Variants in CFAP20DC observed in about 807,000 individuals in gnomAD.
CFAP20DC encodes CFAP20 domain containing, also known as protein CFAP20DC.
CFAP20DC carries 84 observed loss-of-function variants against 101.7 expected under a neutral mutation model. The ratio of observed to expected loss-of-function variants is 0.83; its 90% CI spans 0.69 to 0.99. The LOEUF is 0.99. CFAP20DC is among the 50% of genes least tolerant of loss of function. The pLI, the probability that CFAP20DC is intolerant of heterozygous loss-of-function variation, is 0.00. For missense variants in CFAP20DC, 1,007 were observed against 970.3 expected, an observed-to-expected ratio of 1.04 and a Z score of -0.50; for synonymous variants, 359 against 351.2, an observed-to-expected ratio of 1.02 and a Z score of -0.25.
intron 15 of CFAP20DC, among the ~76,000 whole-genome samples, chr3:58,775,658 T>C (rs1399827905): frequency 6.6e-6 from 1 of 152,062 alleles, no homozygotes; most frequent in African/African-American, 2.4e-5. Flanking sequence ...TAAATACTTA[T>C]GAACTGTTAA....
chr3:58,968,885 T>A (rs1418415718), intron 4 of CFAP20DC, among the ~76,000 whole-genome samples: 2 of 152,188 alleles, frequency 1.3e-5, no homozygotes, highest in African/African-American at 4.8e-5. Flanking sequence ...GGTTTCTGTA[T>A]ATGGTGTAAG....
intron 15 of CFAP20DC, among the ~76,000 whole-genome samples, chr3:58,787,320 C>A (rs1438442163): frequency 8.6e-6 from 1 of 116,518 alleles, no homozygotes; most frequent in Non-Finnish European, 1.6e-5. Context: ...AGGGGAACAT[C>A]ACACTCTGGG....
chr3:58,804,365 T>C (rs1227633615), intron 15 of CFAP20DC, among the ~76,000 whole-genome samples: 2 of 133,900 alleles, frequency 1.5e-5, no homozygotes, highest in African/African-American at 5.2e-5. Flanking sequence ...AAATTAGTTC[T>C]TTTTTTTTTT....
intron 4 of CFAP20DC, among the ~76,000 whole-genome samples, chr3:58,979,006 T>G (rs1302605599): frequency 6.6e-6 from 1 of 152,194 alleles, no homozygotes; most frequent in Non-Finnish European, 1.5e-5. Flanking sequence ...CCAGTGATAG[T>G]GGTGATGCTG....
intron 15 of CFAP20DC, among the ~76,000 whole-genome samples, chr3:58,789,531 G>A (rs1465860933): frequency 6.6e-6 from 1 of 152,146 alleles, no homozygotes; most frequent in Non-Finnish European, 1.5e-5. Context: ...GGCTCTGTGA[G>A]GTGAATGACA....
rs562993528 is a variant in CFAP20DC, at chr3:58,747,995, T to C, written c.2333-5423A>G. The stretch of plus-strand genomic sequence containing the variant: ...TATATTTCAGGTGTCATTTGGGCAA[T>C]AGGTACATTACCCCTTTTGTAAAAA... On this transcript the variant is annotated intron_variant, in intron 16 of 16. Coordinates refer to ENST00000482387, the MANE Select transcript of CFAP20DC (RefSeq NM_001394063.1). Among the ~76,000 whole-genome samples, 4 of 152,332 alleles carry C rather than the reference T, an allele frequency of 2.6e-5. No homozygotes were observed. In the East Asian group the frequency reaches 7.7e-4, roughly 29 times the overall value.
chr3:58,834,550 A>C (rs1016706943), intron 13 of CFAP20DC, among the ~76,000 whole-genome samples: 4 of 152,198 alleles, frequency 2.6e-5, no homozygotes, highest in African/African-American at 9.7e-5. Flanking sequence ...GGAGAGAAGA[A>C]TAAGAGAGGA....
At chr3:58,814,644 T>G (rs795414) in intron 14 of CFAP20DC, among the ~76,000 whole-genome samples, 4,343 of 147,996 alleles carry the variant, frequency 0.029, 129 homozygotes, top group African/African-American at 0.06. Flanking sequence ...AAGCTGATAA[T>G]CAACTTCAGC....
At chr3:58,960,002 GCTT>G (rs1317349509) in intron 4 of CFAP20DC, among the ~76,000 whole-genome samples, 18 of 152,046 alleles carry the variant, frequency 1.2e-4, no homozygotes, top group Non-Finnish European at 2.5e-4. Context: ...GTTGTGATAA[GCTT>G]CTGCCTTTCA....
intron 5 of CFAP20DC, among the ~76,000 whole-genome samples, chr3:58,917,183 G>C (rs1185145395): frequency 6.6e-6 from 1 of 152,082 alleles, no homozygotes; most frequent in Non-Finnish European, 1.5e-5. Context: ...GAGTTGGCTG[G>C]CAAAGGGTGA....
intron 4 of CFAP20DC, among the ~76,000 whole-genome samples, chr3:58,987,385 T>C (rs944254768): frequency 2.6e-5 from 4 of 151,938 alleles, no homozygotes; most frequent in Admixed American, 1.3e-4. Flanking sequence ...TAGCCTTAAA[T>C]TGCCTATTAA....
intron 4 of CFAP20DC, among the ~76,000 whole-genome samples, chr3:59,005,307 T>C (rs2093408789): frequency 6.6e-6 from 1 of 152,104 alleles, no homozygotes; most frequent in Non-Finnish European, 1.5e-5. Flanking sequence ...ACATGCACAG[T>C]TCAAGCCTAT....
chr3:58,890,395 G>T (rs1287039277), intron 6 of CFAP20DC, among the ~76,000 whole-genome samples: 2 of 140,020 alleles, frequency 1.4e-5, no homozygotes, highest in African/African-American at 2.7e-5. Context: ...GGGCAGAGGC[G>T]CCCCTCACCT....
In CFAP20DC at chr3:58,849,119, T is replaced by C. The variant is rs2077995791; in HGVS notation, c.1884A>G (p.Leu628=). The C allele has an allele frequency of 2.0e-6, 3 of 1,536,106 alleles. No homozygotes were observed. The highest frequency in any genetic ancestry group is 1.2e-5 in the South Asian group (1 of 84,042). The part of the protein sequence containing the change: ...TPEPVIKAKD[L]SAQQVPASLN... ...GTGAAGCTGGCACTTGCTGGGCTGA[T>C]AGATCCTTCGCTTTGATTACGGGCT... Residue 628 remains leucine, a synonymous_variant, in exon 13 of 17, where the codon CTA becomes CTG. Transcript: ENST00000482387.
intron 13 of CFAP20DC, among the ~76,000 whole-genome samples, chr3:58,840,880 A>C (rs2077054400): frequency 6.6e-6 from 1 of 152,212 alleles, no homozygotes; most frequent in Non-Finnish European, 1.5e-5. Context: ...GACATTAAGA[A>C]ATGTGTCCAA....
Position 58,921,431 on chromosome 3 carries a change from G to T in CFAP20DC, c.394-7567C>A, listed in dbSNP as rs554831911. On this transcript the variant is annotated intron_variant, in intron 5 of 16. Transcript: ENST00000482387. ...AGATACATCCCACACATTTTGGTGT[G>T]CTTTATTTTCAATATCATTTAAAAT... Among the ~76,000 whole-genome samples the T allele has an allele frequency of 5.0e-4, 76 of 151,908 alleles. No homozygotes were observed. The South Asian group carries it at 0.015, about 31-fold the overall frequency.
intron 6 of CFAP20DC, among the ~76,000 whole-genome samples, chr3:58,903,670 C>T (rs2083349508): frequency 6.6e-6 from 1 of 152,120 alleles, no homozygotes. Context: ...ACAATCAGAT[C>T]TCATGAGAGC....
intron 14 of CFAP20DC, among the ~76,000 whole-genome samples, chr3:58,807,191 C>A (rs1326963189): frequency 6.6e-6 from 1 of 152,200 alleles, no homozygotes; most frequent in Admixed American, 6.5e-5. Context: ...GTGTCCCTGT[C>A]TGACAGCTTT....
chr3:58,811,787 A>T (rs934172117), intron 14 of CFAP20DC, among the ~76,000 whole-genome samples: 3 of 152,066 alleles, frequency 2.0e-5, no homozygotes, highest in African/African-American at 7.2e-5. Context: ...AATGGGAGAA[A>T]ATTTTCGCAA....
Sources: gnomAD v4.1 joint callset for allele counts (sites outside exome capture counted in the v4.1 genomes callset) on GRCh38, gnomAD v4.1.1 for gene constraint, MANE v1.5 for transcripts, NCBI Gene and HGNC (gene_info 2026-07-23, HGNC 2026-07-21) for gene names.